Variants in HS3ST4 observed in about 807,000 individuals in gnomAD.
HS3ST4 encodes heparan sulfate glucosamine 3-O-sulfotransferase 4.
Under a neutral mutation model 29.2 loss-of-function variants are expected in HS3ST4, and 17 were observed. The observed-to-expected ratio is 0.58, with a 90% CI of 0.40 to 0.87. The LOEUF (loss-of-function observed/expected upper bound fraction) is 0.87, where lower values mean the gene tolerates loss of function less well. Among genes scored for constraint, HS3ST4 ranks in the 40% least tolerant of loss-of-function variants. The probability of loss-of-function intolerance (pLI) is 0.00; values close to 1 mark genes in which losing one functional copy is unlikely to be tolerated. For synonymous variants in HS3ST4, 314 were observed against 285.7 expected, an observed-to-expected ratio of 1.10 and a Z score of -1.00; for missense variants, 627 against 634.5, an observed-to-expected ratio of 0.99 and a Z score of 0.13.
Position 26,137,588 on chromosome 16 carries a change from G to A in HS3ST4, c.*1340G>A, listed in dbSNP as rs1271420772. 1 of 152,210 alleles carries A rather than the reference G, an allele frequency of 6.6e-6. No individual in the cohort carries two copies. Among genetic ancestry groups the A allele is most frequent in the African/African-American group, 2.4e-5 (1 of 41,452 alleles). The allele number at this position is 152,210 out of a possible 1,614,324, so 9.4% of individuals were successfully genotyped here. A position where few individuals can be genotyped will look rare whatever the true frequency, so the allele number is the denominator to read the frequency against. Reference sequence around the variant, plus strand: ...ATTGTTCTAGTAAAACTGGAAATTTGTATGAGTGGGGGGAGTTAAATCTGT... The same window carrying A: ...ATTGTTCTAGTAAAACTGGAAATTTATATGAGTGGGGGGAGTTAAATCTGT... On this transcript the variant is annotated 3_prime_UTR_variant, in exon 2 of 2. Coordinates refer to ENST00000331351, the MANE Select transcript of HS3ST4 (RefSeq NM_006040.3).
intron 1 of HS3ST4, among the ~76,000 whole-genome samples, chr16:25,854,597 C>G (rs1183081841): frequency 6.6e-6 from 1 of 152,072 alleles, no homozygotes; most frequent in Non-Finnish European, 1.5e-5. Context: ...CCTTATGTAA[C>G]CAGCCCATCT....
At chr16:25,765,206 CTT>C (rs575411640) in intron 1 of HS3ST4, among the ~76,000 whole-genome samples, 3 of 152,048 alleles carry the variant, frequency 2.0e-5, no homozygotes, top group Admixed American at 6.6e-5. Flanking sequence ...GAAGCAGACT[CTT>C]TTTTTTGAAT....
At chr16:26,021,749 C>T (rs927891908) in intron 1 of HS3ST4, among the ~76,000 whole-genome samples, 2 of 151,584 alleles carry the variant, frequency 1.3e-5, no homozygotes, top group South Asian at 2.1e-4. Flanking sequence ...CTGCAACCTC[C>T]GCCTCCTGAG....
At chr16:26,012,189 A>G (rs6497911) in intron 1 of HS3ST4, among the ~76,000 whole-genome samples, 108,017 of 152,140 alleles carry the variant, frequency 0.71, 39,704 homozygotes, top group African/African-American at 0.9. Context: ...AAAACAAGGA[A>G]ACAGTGATCC....
At chr16:25,792,768 A>ACTTTTACTT (rs1351439232) in intron 1 of HS3ST4, among the ~76,000 whole-genome samples, 3 of 151,682 alleles carry the variant, frequency 2.0e-5, no homozygotes. Context: ...CAAAGAGCCA[A>ACTTTTACTT]CTTTTACTTC....
chr16:25,893,225 G>A (rs1224225384), intron 1 of HS3ST4, among the ~76,000 whole-genome samples: 1 of 152,198 alleles, frequency 6.6e-6, no homozygotes. Flanking sequence ...GAAAAGTCAT[G>A]TGAGAACTGC....
chr16:26,073,959 A>G lies in HS3ST4; in HGVS notation c.735-61653A>G, dbSNP rs1380881013. ...GTAAACTCCAATGTACTACTTGAAT[A>G]TTACTATAAAATTATAGCAATTGGT... On this transcript the variant is annotated intron_variant, in intron 1 of 1. Transcript: ENST00000331351. 2.6e-5 allele frequency among the ~76,000 whole-genome samples: 4 copies of G among 152,216 alleles called. No individual in the cohort carries two copies. In the East Asian group the frequency reaches 5.8e-4, roughly 22 times the overall value.
At chr16:26,023,461 A>G (rs1378966591) in intron 1 of HS3ST4, among the ~76,000 whole-genome samples, 1 of 152,034 alleles carries the variant, frequency 6.6e-6, no homozygotes. Flanking sequence ...GTGCAATGGC[A>G]TGATCATAGC....
At chr16:25,747,065 C>T (rs927544087) in intron 1 of HS3ST4, among the ~76,000 whole-genome samples, 1 of 152,114 alleles carries the variant, frequency 6.6e-6, no homozygotes, top group Non-Finnish European at 1.5e-5. Flanking sequence ...GCTATGTTTT[C>T]CAGACTTGTC....
At chr16:25,815,824 G>A (rs535148715) in intron 1 of HS3ST4, among the ~76,000 whole-genome samples, 293 of 152,168 alleles carry the variant, frequency 1.9e-3, no homozygotes, top group African/African-American at 6.5e-3. Context: ...CTACCCTCAA[G>A]CCTCCACTCA....
At chr16:25,788,763 C>G (rs897694234) in intron 1 of HS3ST4, among the ~76,000 whole-genome samples, 3 of 151,592 alleles carry the variant, frequency 2.0e-5, no homozygotes, top group Admixed American at 6.6e-5. Context: ...TGGTCTTGAA[C>G]CCCTGAGCTC....
At chr16:25,887,218 T>C (rs1471352003) in intron 1 of HS3ST4, among the ~76,000 whole-genome samples, 3 of 152,144 alleles carry the variant, frequency 2.0e-5, no homozygotes, top group African/African-American at 2.4e-5. Flanking sequence ...TTCCGTTCTT[T>C]AGGCAGAAGC....
intron 1 of HS3ST4, among the ~76,000 whole-genome samples, chr16:25,717,148 T>G (rs886720880): frequency 6.6e-6 from 1 of 152,162 alleles, no homozygotes; most frequent in Admixed American, 6.5e-5. Flanking sequence ...TGGCTGACCT[T>G]AGATTTGGCT....
chr16:25,935,158 T>C (rs1222040145), intron 1 of HS3ST4, among the ~76,000 whole-genome samples: 1 of 152,188 alleles, frequency 6.6e-6, no homozygotes, highest in Non-Finnish European at 1.5e-5. Context: ...TCCCCAGCCA[T>C]GTGGAACTGA....
At chr16:25,926,516 C>T (rs558851290) in intron 1 of HS3ST4, among the ~76,000 whole-genome samples, 1 of 152,328 alleles carries the variant, frequency 6.6e-6, no homozygotes, top group South Asian at 2.1e-4. Context: ...CTAGAACAAA[C>T]TTTAATACTA....
At chr16:26,056,959 T>G (rs1014207161) in intron 1 of HS3ST4, among the ~76,000 whole-genome samples, 2 of 152,214 alleles carry the variant, frequency 1.3e-5, no homozygotes, top group African/African-American at 4.8e-5. Context: ...TAATCTTCAC[T>G]GTGACCTTGT....
intron 1 of HS3ST4, among the ~76,000 whole-genome samples, chr16:25,882,066 C>T (rs2141664470): frequency 6.6e-6 from 1 of 152,272 alleles, no homozygotes; most frequent in East Asian, 1.9e-4. Flanking sequence ...GAAACTGAGG[C>T]AGTTACCCTC....
chr16:26,004,073 A>G (rs911552456), intron 1 of HS3ST4, among the ~76,000 whole-genome samples: 2 of 152,090 alleles, frequency 1.3e-5, no homozygotes, highest in African/African-American at 4.8e-5. Context: ...ACATATATTT[A>G]CAGTCGTTTC....
chr16:26,108,859 G>T (rs1194207703), intron 1 of HS3ST4, among the ~76,000 whole-genome samples: 6 of 152,104 alleles, frequency 3.9e-5, no homozygotes, highest in African/African-American at 1.4e-4. Flanking sequence ...TGATTAATCG[G>T]AAATTCCTTA....
Sources: allele counts gnomAD v4.1 joint callset (sites outside exome capture counted in the v4.1 genomes callset), GRCh38; gene constraint gnomAD v4.1.1; transcripts MANE v1.5; gene names NCBI Gene and HGNC (gene_info 2026-07-23, HGNC 2026-07-21).